The following GIMD1 variants were observed in gnomAD, a reference collection of about 807,000 sequenced individuals.
GIMD1 encodes GTPase IMAP family member GIMD1.
A neutral mutation model predicts 14.9 loss-of-function variants in GIMD1; 14 were observed. The observed-to-expected ratio is 0.94, with a 90% CI of 0.62 to 1.47. The LOEUF (loss-of-function observed/expected upper bound fraction) is 1.47. Among genes scored for constraint, GIMD1 ranks in the 40% most tolerant of loss-of-function variants. The probability of loss-of-function intolerance (pLI) is 0.00; values close to 1 mark genes in which losing one functional copy is unlikely to be tolerated. For synonymous variants in GIMD1, 91 were observed against 90.5 expected, an observed-to-expected ratio of 1.01 and a Z score of -0.03; for missense variants, 272 against 255.3, an observed-to-expected ratio of 1.07 and a Z score of -0.44.
chr4:106,368,301 T>A (rs1770737898), intron 1 of GIMD1, among the ~76,000 whole-genome samples: 1 of 152,168 alleles, frequency 6.6e-6, no homozygotes, highest in African/African-American at 2.4e-5. Context: ...CATTTTAAGG[T>A]CATTAATCAT....
chr4:106,368,558 G>A (rs1770742393), intron 1 of GIMD1, among the ~76,000 whole-genome samples, 152 bp downstream of exon 1: 1 of 152,054 alleles, frequency 6.6e-6, no homozygotes, highest in South Asian at 2.1e-4. Flanking sequence ...CTCATTTTGC[G>A]GGTCCCTCCA....
At chr4:106,360,147 T>C (rs1465146278) in intron 2 of GIMD1, among the ~76,000 whole-genome samples, 2 of 151,676 alleles carry the variant, frequency 1.3e-5, no homozygotes, top group East Asian at 1.9e-4. Context: ...GTAAAGCTTC[T>C]TTTTTTTGCA....
At chr4:106,360,016 C>T (rs909671562) in intron 2 of GIMD1, among the ~76,000 whole-genome samples, 2 of 151,994 alleles carry the variant, frequency 1.3e-5, no homozygotes, top group African/African-American at 4.8e-5. Flanking sequence ...ACATTGTAAA[C>T]TTTCAGTAAA....
Position 106,358,221 on chromosome 4 carries a change from T to C in GIMD1, c.616A>G (p.Ile206Val), listed in dbSNP as rs1770560337. ...MKILERIMEF[I>V]KENCYQVLTF... Reference sequence around the variant, plus strand: ...AGAACTTGGTAACAGTTCTCTTTTATAAATTCCATGATTCTTTCTAAGATT... The same window carrying C: ...AGAACTTGGTAACAGTTCTCTTTTACAAATTCCATGATTCTTTCTAAGATT... Residue 206 changes from isoleucine to valine, a missense_variant, in exon 3 of 3, where the codon ATA (isoleucine) becomes GTA (valine). Ile to Val is a conservative substitution (Grantham distance 29). Coordinates refer to ENST00000638719, the MANE Select transcript of GIMD1 (RefSeq NM_001195138.2). 1.3e-6 allele frequency: 2 copies of C among 1,510,896 alleles called. No homozygotes were observed. The highest frequency in any genetic ancestry group is 2.5e-5 in the South Asian group (2 of 79,864). The allele number at this position is 1,510,896 out of a possible 1,614,324, so 93.6% of individuals were successfully genotyped here.
Position 106,367,112 on chromosome 4 carries a change from T to G in GIMD1, c.324A>C (p.Ala108=). Residue 108 remains alanine (A), a synonymous_variant, in exon 2 of 3, where the codon GCA becomes GCC. Coordinates refer to ENST00000638719, the MANE Select transcript of GIMD1 (RefSeq NM_001195138.2). The part of the protein sequence containing the change: ...HHFGQGGLHL[A]LLVQRADVPF... ...GCACATCTGCTCTCTGAACCAGGAG[T>G]GCAAGGTGGAGACCCCCTTGCCCGA... 6.5e-7 allele frequency: 1 copy of G among 1,535,076 alleles called. No homozygotes were observed. Among genetic ancestry groups the G allele is most frequent in the Non-Finnish European group, 8.7e-7 (1 of 1,146,198 alleles).
intron 1 of GIMD1, among the ~76,000 whole-genome samples, chr4:106,368,383 G>T (rs973308697): frequency 6.6e-6 from 1 of 152,148 alleles, no homozygotes; most frequent in Non-Finnish European, 1.5e-5. Flanking sequence ...CAGAAATAAA[G>T]ACATTTTAAT....
At chr4:106,360,851 C>T (rs1770602270) in intron 2 of GIMD1, among the ~76,000 whole-genome samples, 1 of 152,076 alleles carries the variant, frequency 6.6e-6, no homozygotes, top group Admixed American at 6.6e-5. Flanking sequence ...ACCCTTACAA[C>T]ACCTTCATTT....
At chr4:106,365,692 T>C (rs368500990) in intron 2 of GIMD1, among the ~76,000 whole-genome samples, 14 of 152,176 alleles carry the variant, frequency 9.2e-5, no homozygotes, top group African/African-American at 2.9e-4. Flanking sequence ...GGCTCTTGAG[T>C]AATACTAGTG....
At chr4:106,362,101 A>T (rs1770621878) in intron 2 of GIMD1, among the ~76,000 whole-genome samples, 1 of 152,116 alleles carries the variant, frequency 6.6e-6, no homozygotes, top group Admixed American at 6.6e-5. Flanking sequence ...TGTAAGTGCC[A>T]TGCCACTTAA....
intron 1 of GIMD1, 128 bp downstream of exon 1, chr4:106,368,582 C>T (rs1770742748): frequency 7.6e-6 from 3 of 392,294 alleles, no homozygotes; most frequent in Non-Finnish European, 9.0e-6. Context: ...CACACCAGCT[C>T]TCCCAGCTCA....
At chr4:106,360,498 C>T (rs560205962) in intron 2 of GIMD1, among the ~76,000 whole-genome samples, 1 of 152,080 alleles carries the variant, frequency 6.6e-6, no homozygotes, top group Admixed American at 6.6e-5. Context: ...ATATTGTTAA[C>T]AGGTCTCTGC....
At chr4:106,368,595 C>CA (rs1333930529) in intron 1 of GIMD1, 115 bp downstream of exon 1, 8 of 392,498 alleles carry the variant, frequency 2.0e-5, no homozygotes, top group African/African-American at 1.7e-4. Flanking sequence ...CCAGCTCATT[C>CA]AGTGGTGTCA....
intron 2 of GIMD1, among the ~76,000 whole-genome samples, 166 bp from the exon 3 acceptor site, chr4:106,358,609 A>G (rs1056429585): frequency 2.6e-5 from 4 of 152,006 alleles, no homozygotes; most frequent in African/African-American, 9.7e-5. Context: ...TATTTTAAGT[A>G]AATGGAGGGA....
At chr4:106,363,790 C>A (rs758421097) in intron 2 of GIMD1, among the ~76,000 whole-genome samples, 2 of 149,854 alleles carry the variant, frequency 1.3e-5, no homozygotes, top group Admixed American at 1.3e-4. Context: ...TAAACACATT[C>A]GTCTGCAACA....
chr4:106,366,960 T>TAATAATAATAA (rs1491259241), intron 2 of GIMD1, 83 bp downstream of exon 2: 19 of 258,854 alleles, frequency 7.3e-5, no homozygotes, highest in African/African-American at 4.4e-4. Context: ...AATAATAATA[T>TAATAATAATAA]TATTATTATT....
chr4:106,365,183 A>G (rs1252273830), intron 2 of GIMD1, among the ~76,000 whole-genome samples: 1 of 152,196 alleles, frequency 6.6e-6, no homozygotes, highest in East Asian at 1.9e-4. Flanking sequence ...TACCAGAAAC[A>G]TTGCTTGAAA....
chr4:106,360,051 T>C (rs1243855187), intron 2 of GIMD1, among the ~76,000 whole-genome samples: 2 of 152,062 alleles, frequency 1.3e-5, no homozygotes, highest in Non-Finnish European at 2.9e-5. Context: ...ATTTGGAATT[T>C]AGACCCTCAT....
chr4:106,359,580 T>C (rs1212580527), intron 2 of GIMD1, among the ~76,000 whole-genome samples: 1 of 151,896 alleles, frequency 6.6e-6, no homozygotes, highest in Non-Finnish European at 1.5e-5. Flanking sequence ...GAGTTATATG[T>C]ATTAGTACAA....
intron 1 of GIMD1, 128 bp from the exon 2 acceptor site, chr4:106,367,565 TA>T: frequency 1.2e-6 from 1 of 852,852 alleles, no homozygotes; most frequent in African/African-American, 1.7e-5. Context: ...TCGTAGTGAC[TA>T]AAGCATGGAG....
Sources: gnomAD v4.1 joint callset for allele counts (sites outside exome capture counted in the v4.1 genomes callset) on GRCh38, gnomAD v4.1.1 for gene constraint, MANE v1.5 for transcripts, NCBI Gene and HGNC (gene_info 2026-07-23, HGNC 2026-07-21) for gene names.